The following ADGRG6 variants were observed in gnomAD, a reference collection of about 807,000 sequenced individuals.
The protein encoded by ADGRG6 is adhesion G protein-coupled receptor G6.
ADGRG6 carries 84 observed loss-of-function variants against 142.4 expected under a neutral mutation model. That is an observed-to-expected ratio of 0.59 (90% CI 0.49 to 0.71). The LOEUF (loss-of-function observed/expected upper bound fraction) is 0.71. Among genes scored for constraint, ADGRG6 ranks in the 30% least tolerant of loss-of-function variants. The probability of loss-of-function intolerance (pLI) is 0.00; values close to 1 mark genes in which losing one functional copy is unlikely to be tolerated. For synonymous variants in ADGRG6, 521 were observed against 520.5 expected (o/e 1.00, Z -0.01); for missense variants, 1,367 against 1,466.6 (o/e 0.93, Z 1.11).
intron 3 of ADGRG6, 124 bp downstream of exon 3, chr6:142,368,034 A>G (rs1781039443): frequency 1.6e-6 from 1 of 620,184 alleles, no homozygotes; most frequent in East Asian, 2.7e-5. Flanking sequence ...ATTGGGATAT[A>G]AGGGCAAGAA....
At chr6:142,422,416 T>C (rs1421977361) in intron 22 of ADGRG6, among the ~76,000 whole-genome samples, 2 of 152,178 alleles carry the variant, frequency 1.3e-5, no homozygotes, top group Admixed American at 1.3e-4. Context: ...TATGTGGTGT[T>C]TGGTTTTTTG....
Position 142,370,595 on chromosome 6 carries a change from T to C in ADGRG6, c.871T>C (p.Leu291=), listed in dbSNP as rs369023444. The change falls in exon 4 of 25, where the codon TTG becomes CTG. Residue 291 remains leucine, a synonymous_variant. Transcript: ENST00000367609. ...TAAAGTTATTCCTGGGAATGGGAAATTGTTGTTGGGCTCCAATCAAAATGA... is the reference window on the plus strand; with the variant it reads ...TAAAGTTATTCCTGGGAATGGGAAACTGTTGTTGGGCTCCAATCAAAATGA... The part of the protein sequence containing the change: ...ISKVIPGNGK[L]LLGSNQNEIV... 8 of 1,612,568 alleles carry C rather than the reference T, an allele frequency of 5.0e-6. No homozygotes were observed. In the African/African-American group the frequency reaches 1.1e-4, roughly 22 times the overall value.
intron 2 of ADGRG6, among the ~76,000 whole-genome samples, chr6:142,322,539 C>T (rs1055040525): frequency 6.6e-6 from 1 of 152,100 alleles, no homozygotes; most frequent in Admixed American, 6.6e-5. Context: ...GTTATTCTAC[C>T]TTTGCCTGAA....
intron 4 of ADGRG6, among the ~76,000 whole-genome samples, chr6:142,376,046 C>T (rs747753776): frequency 5.3e-5 from 8 of 152,158 alleles, no homozygotes; most frequent in South Asian, 4.2e-4. Context: ...CTTTTAAAAA[C>T]GAAATGTTTA....
chr6:142,328,787 T>C (rs1180282096), intron 2 of ADGRG6, among the ~76,000 whole-genome samples: 2 of 152,150 alleles, frequency 1.3e-5, no homozygotes, highest in Non-Finnish European at 2.9e-5. Flanking sequence ...TTGACTTGTG[T>C]TTGCCCAAGC....
chr6:142,349,603 G>T (rs944664328), intron 2 of ADGRG6, among the ~76,000 whole-genome samples: 3 of 152,172 alleles, frequency 2.0e-5, no homozygotes, highest in African/African-American at 7.2e-5. Flanking sequence ...GTACAGTGTC[G>T]AAGAGGGACC....
intron 4 of ADGRG6, among the ~76,000 whole-genome samples, chr6:142,380,340 G>A (rs201833444): frequency 2.0e-5 from 3 of 152,112 alleles, no homozygotes; most frequent in Admixed American, 2.0e-4. Flanking sequence ...GCCAAGAGGA[G>A]GAGTCCATTC....
chr6:142,306,973 G>T (rs1698176696), intron 1 of ADGRG6, among the ~76,000 whole-genome samples: 1 of 152,088 alleles, frequency 6.6e-6, no homozygotes, highest in African/African-American at 2.4e-5. Context: ...AGAGTCTGGA[G>T]ACATGGAATG....
At chr6:142,320,439 A>G (rs1178556575) in intron 2 of ADGRG6, among the ~76,000 whole-genome samples, 2 of 152,102 alleles carry the variant, frequency 1.3e-5, no homozygotes, top group African/African-American at 4.8e-5. Flanking sequence ...TTTGATATCA[A>G]TAGCACTGCT....
chr6:142,368,250 A>T (rs1285644186), intron 3 of ADGRG6, among the ~76,000 whole-genome samples: 2 of 152,204 alleles, frequency 1.3e-5, no homozygotes, highest in East Asian at 3.8e-4. Context: ...ATCCCTATTT[A>T]GACATCATTT....
In ADGRG6 at chr6:142,386,292, A is replaced by G. The variant is rs62429057; in HGVS notation, c.1222+2449A>G. Reference sequence around the variant, plus strand: ...AGTAAAATAACATGTAATGAAACCAATCTTACCATAGGCTGATTGATATAA... The same window carrying G: ...AGTAAAATAACATGTAATGAAACCAGTCTTACCATAGGCTGATTGATATAA... On this transcript the variant is annotated intron_variant, in intron 6 of 24. Transcript: ENST00000367609. 3.9e-5 allele frequency among the ~76,000 whole-genome samples: 6 copies of G among 152,324 alleles called. No homozygotes were observed. The South Asian group carries it at 1.0e-3, about 26-fold the overall frequency.
chr6:142,318,704 A>T (rs969418847), intron 2 of ADGRG6, among the ~76,000 whole-genome samples: 1 of 151,782 alleles, frequency 6.6e-6, no homozygotes, highest in African/African-American at 2.4e-5. Context: ...AGAAATGGAG[A>T]AGGGGGATCT....
intron 18 of ADGRG6, among the ~76,000 whole-genome samples, chr6:142,414,139 C>T (rs1451829154): frequency 6.6e-6 from 1 of 152,076 alleles, no homozygotes; most frequent in Non-Finnish European, 1.5e-5. Context: ...TCTCCTCCAA[C>T]CAGGATTGAG....
At chr6:142,429,215 A>G (rs897679149) in intron 22 of ADGRG6, among the ~76,000 whole-genome samples, 1 of 152,212 alleles carries the variant, frequency 6.6e-6, no homozygotes, top group Admixed American at 6.5e-5. Flanking sequence ...TTGGTAAACT[A>G]AGAAAATTAA....
At chr6:142,363,681 T>C (rs1780819511) in intron 2 of ADGRG6, among the ~76,000 whole-genome samples, 1 of 152,168 alleles carries the variant, frequency 6.6e-6, no homozygotes, top group Non-Finnish European at 1.5e-5. Context: ...ATTTTACCAA[T>C]ACCTCATTCA....
intron 9 of ADGRG6, among the ~76,000 whole-genome samples, chr6:142,394,735 G>A (rs1313797324): frequency 6.6e-6 from 1 of 151,754 alleles, no homozygotes; most frequent in Non-Finnish European, 1.5e-5. Flanking sequence ...ACATGTGCTA[G>A]CATACCTGGC....
At chr6:142,383,629 G>A in intron 5 of ADGRG6, 131 bp from the exon 6 acceptor site, 1 of 606,148 alleles carries the variant, frequency 1.6e-6, no homozygotes, top group African/African-American at 1.9e-5. Flanking sequence ...TACAACCTTG[G>A]AGTCTTTTGT....
At chr6:142,395,141 T>A (rs1775107527) in intron 9 of ADGRG6, among the ~76,000 whole-genome samples, 1 of 152,170 alleles carries the variant, frequency 6.6e-6, no homozygotes. Flanking sequence ...GTCATTTTTG[T>A]ATACATAGTA....
rs189806007 is a variant in ADGRG6, at chr6:142,420,648, T to C, written c.3319+544T>C. On this transcript the variant is annotated intron_variant, in intron 22 of 24. Coordinates refer to ENST00000367609, the MANE Select transcript of ADGRG6 (RefSeq NM_198569.3). ...ACTTTTATCTTTTTATGAGAAATGT[T>C]GAACATTTCACAGTTAGTTCAACAA... Among the ~76,000 whole-genome samples the C allele has an allele frequency of 3.3e-5, 5 of 152,062 alleles. No individual in the cohort carries two copies. The East Asian group carries it at 9.6e-4, about 29-fold the overall frequency.
Sources: gnomAD v4.1 joint callset for allele counts (sites outside exome capture counted in the v4.1 genomes callset) on GRCh38, gnomAD v4.1.1 for gene constraint, MANE v1.5 for transcripts, NCBI Gene and HGNC (gene_info 2026-07-23, HGNC 2026-07-21) for gene names.